Variants in CREBBP observed in about 807,000 individuals in gnomAD.
The protein encoded by CREBBP is CREB binding lysine acetyltransferase.
In CREBBP, 19 loss-of-function variants were observed where a neutral mutation model predicts 265.0. That is an observed-to-expected ratio of 0.07 (90% CI 0.05 to 0.11). CREBBP has a LOEUF of 0.11. Among genes scored for constraint, CREBBP ranks in the 10% least tolerant of loss-of-function variants. The pLI is 1.00. For missense variants in CREBBP, 2,525 were observed against 3,219.0 expected, an observed-to-expected ratio of 0.78 and a Z score of 5.22; for synonymous variants, 1,457 against 1,223.7, an observed-to-expected ratio of 1.19 and a Z score of -3.98.
intron 4 of CREBBP, among the ~76,000 whole-genome samples, chr16:3,793,157 G>A (rs115620315): frequency 6.6e-6 from 1 of 152,252 alleles, no homozygotes; most frequent in Non-Finnish European, 1.5e-5. Flanking sequence ...AGCAGCAGAA[G>A]TTCACAGAGT....
intron 2 of CREBBP, among the ~76,000 whole-genome samples, chr16:3,832,578 A>C (rs904262742): frequency 2.6e-5 from 4 of 152,234 alleles, no homozygotes; most frequent in East Asian, 1.9e-4. Context: ...TCCAGGCTAC[A>C]AACCTGTACA....
At chr16:3,877,946 A>G (rs2055438030) in intron 1 of CREBBP, among the ~76,000 whole-genome samples, 1 of 152,248 alleles carries the variant, frequency 6.6e-6, no homozygotes, top group Non-Finnish European at 1.5e-5. Flanking sequence ...TTAAGTGTGG[A>G]AAATCCTTTC....
At chr16:3,836,433 CAA>C (rs564007443) in intron 2 of CREBBP, among the ~76,000 whole-genome samples, 16 of 53,888 alleles carry the variant, frequency 3.0e-4, no homozygotes, top group Admixed American at 4.1e-4. Context: ...GACTGTGTCT[CAA>C]AAAAAAAAAA....
At chr16:3,750,232 A>T (rs539839296) in intron 20 of CREBBP, among the ~76,000 whole-genome samples, 1 of 152,344 alleles carries the variant, frequency 6.6e-6, no homozygotes, top group Non-Finnish European at 1.5e-5. Context: ...CCAATTATTA[A>T]TCACACAACT....
intron 24 of CREBBP, 49 bp from the exon 25 acceptor site, chr16:3,739,773 G>C (rs1397270337): frequency 6.2e-7 from 1 of 1,613,468 alleles, no homozygotes; most frequent in Non-Finnish European, 8.5e-7. Context: ...TTGCTGACAA[G>C]GTGCTTCTGC....
In CREBBP at chr16:3,725,331, C is replaced by T. The variant is rs566521450; in HGVS notation, c.*2387G>A. On this transcript the variant is annotated 3_prime_UTR_variant, in exon 31 of 31. Transcript: ENST00000262367. ...CAAAGAGGATGAGGTTGGTACATAA[C>T]GTTTTGAATTCCAGGATAACCTGAA... The T allele has an allele frequency of 4.2e-4, 98 of 233,224 alleles. No homozygotes were observed. Among genetic ancestry groups the T allele is most frequent in the Non-Finnish European group, 6.9e-4 (81 of 118,008 alleles). 14.4% of individuals were successfully genotyped at this position (233,224 alleles called of 1,614,324 possible).
At chr16:3,840,783 A>G (rs1476219279) in intron 2 of CREBBP, 1 of 154,776 alleles carries the variant, frequency 6.5e-6, no homozygotes, top group Admixed American at 6.5e-5. Context: ...AGAAGATTTA[A>G]GAACACTCCT....
intron 2 of CREBBP, among the ~76,000 whole-genome samples, chr16:3,820,840 G>A (rs1464569076): frequency 6.6e-6 from 1 of 152,148 alleles, no homozygotes; most frequent in Admixed American, 6.6e-5. Context: ...CACACACACA[G>A]CCACGACCAG....
At chr16:3,791,576 G>C (rs539930299) in intron 5 of CREBBP, among the ~76,000 whole-genome samples, 1 of 152,294 alleles carries the variant, frequency 6.6e-6, no homozygotes, top group South Asian at 2.1e-4. Context: ...AATTCCAAAA[G>C]AAGTATCCCC....
intron 30 of CREBBP, among the ~76,000 whole-genome samples, chr16:3,730,342 C>A (rs1226233140): frequency 6.6e-6 from 1 of 152,174 alleles, no homozygotes; most frequent in Non-Finnish European, 1.5e-5. Context: ...CAGTGAAAGG[C>A]TGAGGGAGGC....
chr16:3,797,856 T>C (rs1177731464), intron 3 of CREBBP, among the ~76,000 whole-genome samples: 1 of 151,946 alleles, frequency 6.6e-6, no homozygotes, highest in Admixed American at 6.6e-5. Flanking sequence ...TTTTAGGACA[T>C]GAGGATGAGA....
intron 28 of CREBBP, among the ~76,000 whole-genome samples, chr16:3,734,692 C>T (rs190812615): frequency 3.3e-5 from 5 of 151,944 alleles, no homozygotes; most frequent in South Asian, 2.1e-4. Flanking sequence ...CACGCCACCC[C>T]CTGCCCGCGC....
intron 28 of CREBBP, among the ~76,000 whole-genome samples, 181 bp from the exon 29 acceptor site, chr16:3,732,118 G>T (rs2051934013): frequency 6.6e-6 from 1 of 152,210 alleles, no homozygotes; most frequent in Non-Finnish European, 1.5e-5. Context: ...ACAGAGCAGG[G>T]CCTGTCCTCG....
chr16:3,849,225 G>GATC (rs2054731872), intron 2 of CREBBP, among the ~76,000 whole-genome samples: 1 of 7,348 alleles, frequency 1.4e-4, no homozygotes, highest in Admixed American at 2.3e-3. Context: ...CCTTCTCTGT[G>GATC]CTCCTGTCAG....
rs1294722830 is a variant in CREBBP at position 3,725,619 on chromosome 16, G to A, written c.*2099C>T. On this transcript the variant is annotated 3_prime_UTR_variant, in exon 31 of 31. Coordinates refer to ENST00000262367, the MANE Select transcript of CREBBP (RefSeq NM_004380.3). ...GATGGGGTGAATGGGGGCTGGTCAG[G>A]GGTGCCAGATGGTGGTCTTATTTTT... 8.6e-6 allele frequency: 2 copies of A among 233,228 alleles called. No individual in the cohort carries two copies. The highest frequency in any genetic ancestry group is 4.4e-5 in the African/African-American group (2 of 45,350). The allele number at this position is 233,228 out of a possible 1,614,324, so 14.4% of individuals were successfully genotyped here.
intron 2 of CREBBP, among the ~76,000 whole-genome samples, chr16:3,839,106 T>A (rs1386253178): frequency 6.6e-6 from 1 of 152,228 alleles, no homozygotes; most frequent in Non-Finnish European, 1.5e-5. Context: ...CAATTCTCAA[T>A]GGCAGCTACT....
intron 19 of CREBBP, among the ~76,000 whole-genome samples, chr16:3,754,205 G>A (rs140355123): frequency 6.6e-6 from 1 of 152,192 alleles, no homozygotes; most frequent in Admixed American, 6.5e-5. Context: ...GTTTAAGAAG[G>A]GGAGGAAGAG....
In CREBBP at chr16:3,729,424, G is replaced by A. The variant is rs1350770585; in HGVS notation, c.5623C>T (p.Arg1875Cys). 3.1e-6 allele frequency: 5 copies of A among 1,613,606 alleles called. No homozygotes were observed. Among genetic ancestry groups the A allele is most frequent in the East Asian group, 2.2e-5 (1 of 44,882 alleles). The stretch of plus-strand genomic sequence containing the variant: ...GGCAGACTCTGCTGAGGCACGTTGC[G>A]GGTGTTCATGGTGGCCATCCGCCGG... ...MRRRMATMNT[R>C]NVPQQSLPSP... The change falls in exon 31 of 31, where the codon CGC (arginine) becomes TGC (cysteine). Residue 1875 changes from arginine to cysteine, a missense_variant. By Grantham distance (180) the Arg-to-Cys change is radical. Coordinates refer to ENST00000262367, the MANE Select transcript of CREBBP (RefSeq NM_004380.3).
intron 1 of CREBBP, among the ~76,000 whole-genome samples, chr16:3,852,157 GTTTTTTTTT>G (rs910861282): frequency 1.8e-4 from 9 of 50,880 alleles, no homozygotes; most frequent in Admixed American, 1.3e-3. Flanking sequence ...TCTTAAATTT[GTTTTTTTTT>G]TTTTTTTTTT....
Sources: allele counts gnomAD v4.1 joint callset (sites outside exome capture counted in the v4.1 genomes callset), GRCh38; gene constraint gnomAD v4.1.1; transcripts MANE v1.5; gene names NCBI Gene and HGNC (gene_info 2026-07-23, HGNC 2026-07-21).